The following SPATA31H1 variants were observed in gnomAD, a reference collection of about 807,000 sequenced individuals.
SPATA31H1 encodes spermatogenesis-associated protein 31H1.
the SPATA31H1 span, chr2:27,579,413 A>G: frequency 6.2e-7 from 1 of 1,614,244 alleles, no homozygotes; most frequent in Non-Finnish European, 8.5e-7. Context: ...AGAAGGGTCC[A>G]GTTACTATTT....
the SPATA31H1 span, among the ~76,000 whole-genome samples, chr2:27,549,375 G>A: frequency 5.3e-5 from 8 of 151,400 alleles, no homozygotes; most frequent in Admixed American, 3.3e-4. Context: ...ATCTCTTTGT[G>A]TTGTCCAGGC....
At chr2:27,542,582 CGCCA>C in the SPATA31H1 span, among the ~76,000 whole-genome samples, 10,757 of 151,730 alleles carry the variant, frequency 0.071, 1,088 homozygotes, top group African/African-American at 0.21. Context: ...TATAGGATAG[CGCCA>C]GCCTAGACCT....
the SPATA31H1 span, among the ~76,000 whole-genome samples, chr2:27,544,327 C>T: frequency 6.6e-6 from 1 of 151,740 alleles, no homozygotes; most frequent in Non-Finnish European, 1.5e-5. Context: ...TAGCCATAAC[C>T]CTGAATAGTT....
the SPATA31H1 span, among the ~76,000 whole-genome samples, chr2:27,564,888 A>G: frequency 6.6e-6 from 1 of 152,330 alleles, no homozygotes; most frequent in Admixed American, 6.5e-5. Flanking sequence ...AAAAAATCCC[A>G]GAAGTTTTCC....
At chr2:27,578,018 A>G in the SPATA31H1 span, 1 of 1,614,186 alleles carries the variant, frequency 6.2e-7, no homozygotes, top group Non-Finnish European at 8.5e-7. Flanking sequence ...CAGAGCCACT[A>G]GATCAAGTCA....
chr2:27,567,170 G>A, the SPATA31H1 span: 3 of 660,856 alleles, frequency 4.5e-6, no homozygotes, highest in South Asian at 1.8e-5. Flanking sequence ...ATGAGAGAAT[G>A]AGCAAGAGTC....
chr2:27,552,288 C>T, the SPATA31H1 span, among the ~76,000 whole-genome samples: 2 of 151,892 alleles, frequency 1.3e-5, no homozygotes, highest in African/African-American at 2.4e-5. Context: ...AATTAAGAGT[C>T]CAACTTCATT....
At chr2:27,549,888 C>A in the SPATA31H1 span, among the ~76,000 whole-genome samples, 1 of 151,864 alleles carries the variant, frequency 6.6e-6, no homozygotes, top group African/African-American at 2.4e-5. Flanking sequence ...AATTCCTGGC[C>A]TCAAGCAATC....
At chr2:27,576,809 A>G in the SPATA31H1 span, 1 of 1,614,026 alleles carries the variant, frequency 6.2e-7, no homozygotes, top group East Asian at 2.2e-5. Context: ...ATGTGAAATT[A>G]TCTTCAGTGT....
At chr2:27,562,622 C>T in the SPATA31H1 span, among the ~76,000 whole-genome samples, 2 of 150,754 alleles carry the variant, frequency 1.3e-5, no homozygotes, top group African/African-American at 2.4e-5. Context: ...TGCGGTGGCT[C>T]ACGCCTGTAA....
At chr2:27,550,410 A>AT in the SPATA31H1 span, among the ~76,000 whole-genome samples, 50 of 144,592 alleles carry the variant, frequency 3.5e-4, no homozygotes, top group African/African-American at 1.3e-3. Context: ...ATGGGTGTTA[A>AT]ATTTTTTTTT....
chr2:27,556,693 T>TATATATA, the SPATA31H1 span, among the ~76,000 whole-genome samples: 1 of 92,520 alleles, frequency 1.1e-5, no homozygotes, highest in South Asian at 3.6e-4. Flanking sequence ...AGGGCATATA[T>TATATATA]TTTTTTTTTT....
the SPATA31H1 span, chr2:27,582,112 G>A: frequency 1.9e-6 from 3 of 1,613,918 alleles, no homozygotes; most frequent in East Asian, 2.2e-5. Context: ...AGAAGTCACA[G>A]TCCCTCAGAG....
the SPATA31H1 span, among the ~76,000 whole-genome samples, chr2:27,544,261 T>A: frequency 6.6e-6 from 1 of 152,034 alleles, no homozygotes; most frequent in Non-Finnish European, 1.5e-5. Flanking sequence ...TATAGGGTGA[T>A]GAGTTTTGAT....
the SPATA31H1 span, among the ~76,000 whole-genome samples, chr2:27,562,080 TA>T: frequency 6.6e-6 from 1 of 152,190 alleles, no homozygotes; most frequent in Admixed American, 6.5e-5. Context: ...CATGTATACA[TA>T]AGCTTGTCTC....
chr2:27,559,248 A>C, the SPATA31H1 span, among the ~76,000 whole-genome samples: 1 of 152,212 alleles, frequency 6.6e-6, no homozygotes, highest in African/African-American at 2.4e-5. Context: ...GATTAAATTT[A>C]TCAGAGGCTG....
the SPATA31H1 span, among the ~76,000 whole-genome samples, chr2:27,561,595 A>G: frequency 6.6e-6 from 1 of 152,122 alleles, no homozygotes; most frequent in Non-Finnish European, 1.5e-5. Context: ...TCTATGTTCC[A>G]GTCTTACATT....
chr2:27,558,863 C>T, the SPATA31H1 span, among the ~76,000 whole-genome samples: 1 of 102,152 alleles, frequency 9.8e-6, no homozygotes, highest in Non-Finnish European at 1.9e-5. Flanking sequence ...ACCGTCCAGC[C>T]TTGGCTCGGC....
At chr2:27,549,532 G>C in the SPATA31H1 span, among the ~76,000 whole-genome samples, 4 of 151,712 alleles carry the variant, frequency 2.6e-5, no homozygotes, top group Non-Finnish European at 5.9e-5. Flanking sequence ...GTGGAGGCCA[G>C]GTGTGGTGGC....
Sources: allele counts gnomAD v4.1 joint callset (sites outside exome capture counted in the v4.1 genomes callset), GRCh38; gene constraint gnomAD v4.1.1; transcripts MANE v1.5; gene names NCBI Gene and HGNC (gene_info 2026-07-23, HGNC 2026-07-21).